CLYBL: variants seen among roughly 807,000 people sequenced by gnomAD.
The protein encoded by CLYBL is citramalyl-CoA lyase, mitochondrial.
A neutral mutation model predicts 38.9 loss-of-function variants in CLYBL; 31 were observed. The observed-to-expected ratio is 0.80, with a 90% CI of 0.60 to 1.08. CLYBL has a LOEUF of 1.08. CLYBL is among the 50% of genes least tolerant of loss of function. CLYBL has a pLI of 0.00. For missense variants in CLYBL, 434 were observed against 411.6 expected (o/e 1.05, Z -0.47); for synonymous variants, 171 against 158.6 (o/e 1.08, Z -0.59).
At chr13:99,808,464 A>G (rs1388663542) in intron 2 of CLYBL, among the ~76,000 whole-genome samples, 1 of 150,846 alleles carries the variant, frequency 6.6e-6, no homozygotes, top group African/African-American at 2.5e-5. Context: ...AACTTTAGTC[A>G]CCGGAGATAA....
intron 2 of CLYBL, among the ~76,000 whole-genome samples, chr13:99,810,179 A>C (rs1331385908): frequency 2.0e-5 from 3 of 152,260 alleles, no homozygotes; most frequent in Non-Finnish European, 2.9e-5. Context: ...GAGGTGGGGA[A>C]AGTAAGTGTA....
At chr13:99,872,002 AAAAAG>A (rs1277136355) in intron 7 of CLYBL, among the ~76,000 whole-genome samples, 4 of 134,550 alleles carry the variant, frequency 3.0e-5, no homozygotes, top group Admixed American at 8.0e-5. Context: ...AAAAAAAAAA[AAAAAG>A]AAAAAGAAAA....
intron 2 of CLYBL, among the ~76,000 whole-genome samples, chr13:99,804,470 T>C (rs1231925162): frequency 1.3e-5 from 2 of 151,446 alleles, no homozygotes; most frequent in African/African-American, 4.9e-5. Context: ...CCTCTAACTG[T>C]TTTTTTTTCC....
At chr13:99,888,249 T>C (rs998164713) in intron 7 of CLYBL, among the ~76,000 whole-genome samples, 6 of 137,840 alleles carry the variant, frequency 4.4e-5, no homozygotes, top group Non-Finnish European at 9.4e-5. Context: ...CTTAAAAATG[T>C]CTAAGATGGT....
intron 2 of CLYBL, among the ~76,000 whole-genome samples, chr13:99,856,568 G>A (rs2051463194): frequency 1.3e-5 from 2 of 152,122 alleles, no homozygotes; most frequent in African/African-American, 2.4e-5. Flanking sequence ...AGAAGAACAT[G>A]CTTTAGGTTC....
At chr13:99,877,111 G>A (rs1280627162) in intron 7 of CLYBL, among the ~76,000 whole-genome samples, 1 of 152,144 alleles carries the variant, frequency 6.6e-6, no homozygotes, top group Admixed American at 6.5e-5. Flanking sequence ...AACTCCCAGA[G>A]CAAGCCTGGG....
chr13:99,895,280 T>C (rs2052560474), downstream of CLYBL: 1 of 152,244 alleles, frequency 6.6e-6, no homozygotes, highest in Non-Finnish European at 1.5e-5. Context: ...TCCGCTTTTA[T>C]GATTTCGGTT....
intron 2 of CLYBL, among the ~76,000 whole-genome samples, chr13:99,783,330 G>A (rs571181550): frequency 1.4e-4 from 21 of 151,542 alleles, no homozygotes; most frequent in Admixed American, 1.2e-3. Context: ...GGTGTGAGCC[G>A]CCATGCCTGG....
At chr13:99,700,284 C>T (rs2139456215) in intron 1 of CLYBL, among the ~76,000 whole-genome samples, 1 of 152,072 alleles carries the variant, frequency 6.6e-6, no homozygotes, top group East Asian at 2.0e-4. Context: ...GAAACCCCAT[C>T]TCTACTTAAA....
At chr13:99,838,586 T>C (rs191861049) in intron 2 of CLYBL, among the ~76,000 whole-genome samples, 9 of 152,372 alleles carry the variant, frequency 5.9e-5, no homozygotes, top group Admixed American at 2.6e-4. Flanking sequence ...CACTGACTTT[T>C]GTTAAATGCT....
chr13:99,738,770 A>G (rs1192779624), intron 1 of CLYBL, among the ~76,000 whole-genome samples: 1 of 150,136 alleles, frequency 6.7e-6, no homozygotes, highest in Non-Finnish European at 1.5e-5. Context: ...GTGGAGCTCG[A>G]TAAATTCTTG....
At chr13:99,862,833 ACTTT>A (rs2051640165) in intron 3 of CLYBL, among the ~76,000 whole-genome samples, 154 bp from the exon 4 acceptor site, 2 of 152,012 alleles carry the variant, frequency 1.3e-5, no homozygotes, top group African/African-American at 2.4e-5. Flanking sequence ...TTTTCTTTGG[ACTTT>A]CTTCTTATTT....
intron 2 of CLYBL, among the ~76,000 whole-genome samples, chr13:99,824,289 G>A (rs2139045551): frequency 9.7e-6 from 1 of 103,330 alleles, no homozygotes; most frequent in Admixed American, 1.6e-4. Context: ...TAATCCTTTT[G>A]TGAATTGGTT....
chr13:99,754,717 TG>T (rs2139649495), intron 1 of CLYBL, among the ~76,000 whole-genome samples: 1 of 149,090 alleles, frequency 6.7e-6, no homozygotes, highest in Non-Finnish European at 1.5e-5. Context: ...CCCAAGTAGC[TG>T]GGACTACAGG....
intron 7 of CLYBL, among the ~76,000 whole-genome samples, chr13:99,872,000 A>G (rs974932635): frequency 6.6e-6 from 1 of 151,668 alleles, no homozygotes; most frequent in African/African-American, 2.4e-5. Context: ...CAAAAAAAAA[A>G]AAAAAAGAAA....
At chr13:99,773,168 G>GT in intron 2 of CLYBL, among the ~76,000 whole-genome samples, 158 bp downstream of exon 2, 1 of 152,252 alleles carries the variant, frequency 6.6e-6, no homozygotes, top group Admixed American at 6.5e-5. Flanking sequence ...TTCTAAATGT[G>GT]TATCTCTTTT....
At chr13:99,776,254 G>A (rs1322727945) in intron 2 of CLYBL, among the ~76,000 whole-genome samples, 1 of 151,600 alleles carries the variant, frequency 6.6e-6, no homozygotes, top group Non-Finnish European at 1.5e-5. Context: ...CAGCACTCTG[G>A]GAGGCCGAGG....
chr13:99,866,276 A>G lies in CLYBL; in HGVS notation c.671A>G (p.Tyr224Cys). ...TSSKETLDIL[Y>C]ARQKIVVIAK... ...AGTAAAGAAACCCTGGATATTCTCT[A>G]CGCCCGGCAAAAGATTGTTGTCATA... Residue 224 changes from tyrosine to cysteine, a missense_variant, in exon 6 of 9, where the codon TAC becomes TGC. Tyr to Cys is a radical substitution (Grantham distance 194). Coordinates refer to ENST00000339105, the MANE Select transcript of CLYBL (RefSeq NM_206808.5). The G allele has an allele frequency of 6.2e-7, 1 of 1,614,000 alleles. No individual in the cohort carries two copies. Among genetic ancestry groups the G allele is most frequent in the Non-Finnish European group, 8.5e-7 (1 of 1,180,012 alleles).
At chr13:99,678,294 T>C (rs1253205095) in intron 1 of CLYBL, among the ~76,000 whole-genome samples, 1 of 152,262 alleles carries the variant, frequency 6.6e-6, no homozygotes, top group East Asian at 1.9e-4. Context: ...CTGGAGGCTC[T>C]CATGTATCAG....
Sources: gnomAD v4.1 joint callset for allele counts (sites outside exome capture counted in the v4.1 genomes callset) on GRCh38, gnomAD v4.1.1 for gene constraint, MANE v1.5 for transcripts, NCBI Gene and HGNC (gene_info 2026-07-23, HGNC 2026-07-21) for gene names.